CEACAM5: variants seen among roughly 807,000 people sequenced by gnomAD.
CEACAM5 encodes cell adhesion molecule CEACAM5.
Under a neutral mutation model 63.0 loss-of-function variants are expected in CEACAM5, and 52 were observed. The ratio of observed to expected loss-of-function variants is 0.83; its 90% CI spans 0.66 to 1.04. The LOEUF (loss-of-function observed/expected upper bound fraction) is 1.04. Ranked by LOEUF, CEACAM5 falls within the 50% of genes least tolerant of loss-of-function variation. CEACAM5 has a pLI of 0.00. For missense variants in CEACAM5, 790 were observed against 864.8 expected, an observed-to-expected ratio of 0.91 and a Z score of 1.08; for synonymous variants, 357 against 351.3, an observed-to-expected ratio of 1.02 and a Z score of -0.18.
chr19:41,709,575 C>T, intron 1 of CEACAM5, 105 bp from the exon 2 acceptor site: 4 of 1,515,476 alleles, frequency 2.6e-6, no homozygotes, highest in Non-Finnish European at 3.5e-6. Context: ...CACTCACTCA[C>T]TCCAGGGCTG....
At chr19:41,727,423 G>A (rs1323090327) in intron 9 of CEACAM5, 71 bp downstream of exon 9, 4 of 778,942 alleles carry the variant, frequency 5.1e-6, no homozygotes, top group Non-Finnish European at 8.7e-6. Context: ...AGAGGGAAGG[G>A]ATTTCTTCAC....
chr19:41,716,279 A>G (rs375862457), intron 4 of CEACAM5, among the ~76,000 whole-genome samples: 4 of 152,234 alleles, frequency 2.6e-5, no homozygotes, highest in Non-Finnish European at 4.4e-5. Context: ...ATGAGCTACA[A>G]GCAACATTCA....
At chr19:41,725,972 TCTTAA>T (rs1461913050) in intron 8 of CEACAM5, among the ~76,000 whole-genome samples, 1 of 152,230 alleles carries the variant, frequency 6.6e-6, no homozygotes, top group Non-Finnish European at 1.5e-5. Context: ...CACACAAGAT[TCTTAA>T]CTTCTCTGAG....
intron 2 of CEACAM5, 189 bp downstream of exon 2, chr19:41,710,228 G>C: frequency 1.1e-6 from 1 of 930,222 alleles, no homozygotes; most frequent in South Asian, 1.7e-5. Flanking sequence ...CCGGCATCCA[G>C]ACCCTGCAGA....
At chr19:41,710,296 C>T (rs1306354287) in intron 2 of CEACAM5, among the ~76,000 whole-genome samples, 5 of 152,152 alleles carry the variant, frequency 3.3e-5, no homozygotes, top group African/African-American at 1.2e-4. Flanking sequence ...GGAGGTCAGT[C>T]TCAGCCAAGC....
At chr19:41,725,256 A>C (rs12985771) in intron 8 of CEACAM5, among the ~76,000 whole-genome samples, 41,517 of 151,992 alleles carry the variant, frequency 0.27, 6,117 homozygotes, top group Middle Eastern at 0.38. Context: ...CATTTCATCT[A>C]GGTTATTCAA....
At chr19:41,718,087 T>C (rs782417200) in intron 5 of CEACAM5, 41 bp from the exon 6 acceptor site, 1 of 1,609,242 alleles carries the variant, frequency 6.2e-7, no homozygotes. Flanking sequence ...TCCCCTTTGC[T>C]CTGATGACAT....
chr19:41,719,781 G>C, intron 6 of CEACAM5, 149 bp from the exon 7 acceptor site: 1 of 1,421,022 alleles, frequency 7.0e-7, no homozygotes, highest in Non-Finnish European at 9.5e-7. Flanking sequence ...TCAGATCATC[G>C]TACATCTGTC....
intron 1 of CEACAM5, 97 bp downstream of exon 1, chr19:41,708,892 C>G (rs544755548): frequency 1.8e-5 from 15 of 834,840 alleles, no homozygotes; most frequent in Non-Finnish European, 2.8e-5. Context: ...CCTGTTGGAG[C>G]CTGAATAGGG....
chr19:41,710,098 G>A lies in CEACAM5; in HGVS notation c.424+59G>A, dbSNP rs1451286201. On this transcript the variant is annotated intron_variant, in intron 2 of 9. Coordinates refer to ENST00000221992, the MANE Select transcript of CEACAM5 (RefSeq NM_004363.6). Reference sequence around the variant, plus strand: ...GGGTCAGTTCTACTTCCCACACACAGGATTATCAGGCCTGGGCTGTGCCTG... The same window carrying A: ...GGGTCAGTTCTACTTCCCACACACAAGATTATCAGGCCTGGGCTGTGCCTG... 2.5e-6 allele frequency: 4 copies of A among 1,570,100 alleles called. No individual in the cohort carries two copies. The African/African-American group carries it at 5.4e-5, about 21-fold the overall frequency.
chr19:41,708,682 G>C lies in CEACAM5; in HGVS notation c.-50G>C. On this transcript the variant is annotated 5_prime_UTR_variant, in exon 1 of 10. Coordinates refer to ENST00000221992, the MANE Select transcript of CEACAM5 (RefSeq NM_004363.6). ...ACAGCAGCCTTGACAAAACGTTCCT[G>C]GAACTCAAGCTCTTCTCCACAGAGG... is the stretch of plus-strand genomic sequence containing the variant. 6.4e-7 allele frequency: 1 copy of C among 1,552,054 alleles called. No individual in the cohort carries two copies. The highest frequency in any genetic ancestry group is 8.8e-7 in the Non-Finnish European group (1 of 1,132,496).
intron 2 of CEACAM5, among the ~76,000 whole-genome samples, chr19:41,711,743 G>A (rs149827785): frequency 1.1e-4 from 16 of 152,002 alleles, no homozygotes; most frequent in African/African-American, 3.1e-4. Context: ...CATGTTCTTC[G>A]TCTTCCTCCC....
intron 8 of CEACAM5, among the ~76,000 whole-genome samples, chr19:41,721,696 A>G (rs117041225): frequency 0.019 from 2,932 of 152,356 alleles, 54 homozygotes; most frequent in Admixed American, 0.054. Context: ...CCCTGGCTCC[A>G]CTTGGGGTGG....
At chr19:41,728,827 A>G (rs1025426956) in intron 9 of CEACAM5, among the ~76,000 whole-genome samples, 14 of 147,810 alleles carry the variant, frequency 9.5e-5, no homozygotes, top group African/African-American at 3.3e-4. Context: ...GGAGTTTTTC[A>G]ACATACGTAA....
chr19:41,719,550 C>T (rs567161270), intron 6 of CEACAM5, among the ~76,000 whole-genome samples: 6 of 152,168 alleles, frequency 3.9e-5, no homozygotes, highest in Admixed American at 1.3e-4. Flanking sequence ...AAACACCCCA[C>T]GGTTGGGTGG....
Position 41,709,728 on chromosome 19 carries a change from T to C in CEACAM5, c.113T>C (p.Ile38Thr), listed in dbSNP as rs782785872. 8 of 1,614,154 alleles carry C rather than the reference T, an allele frequency of 5.0e-6. No homozygotes were observed. In the East Asian group the frequency reaches 1.1e-4, roughly 22 times the overall value. The change falls in exon 2 of 10, where the codon ATT becomes ACT. Residue 38 changes from isoleucine (I) to threonine (T), a missense_variant. Ile to Thr is a moderately conservative substitution (Grantham distance 89). Coordinates refer to ENST00000221992, the MANE Select transcript of CEACAM5 (RefSeq NM_004363.6). The stretch of plus-strand genomic sequence containing the variant: ...CCGCCCACCACTGCCAAGCTCACTA[T>C]TGAATCCACGCCGTTCAATGTCGCA... Reference protein sequence around the residue: ...WNPPTTAKLTIESTPFNVAEG... With the variant: ...WNPPTTAKLTTESTPFNVAEG...
At chr19:41,722,803 T>C (rs1324561216) in intron 8 of CEACAM5, among the ~76,000 whole-genome samples, 1 of 152,260 alleles carries the variant, frequency 6.6e-6, no homozygotes, top group Non-Finnish European at 1.5e-5. Context: ...TGAACATCAG[T>C]GTACAAATAT....
Position 41,718,146 on chromosome 19 carries a change from C to T in CEACAM5, c.1256C>T (p.Thr419Ile), listed in dbSNP as rs782603077. 125 of 1,614,210 alleles carry T rather than the reference C, an allele frequency of 7.7e-5. No homozygotes were observed. The African/African-American group carries it at 1.5e-3, about 20-fold the overall frequency. Residue 419 changes from threonine to isoleucine, a missense_variant, in exon 6 of 10, where the codon ACC becomes ATC. Transcript: ENST00000221992. Reference sequence around the variant, plus strand: ...GCTCCAGATGGCCCAGACGACCCCACCATTTCCCCCTCATACACCTATTAC... The same window carrying T: ...GCTCCAGATGGCCCAGACGACCCCATCATTTCCCCCTCATACACCTATTAC... ...LNVLYGPDDP[T>I]ISPSYTYYRP...
At chr19:41,713,005 C>T (rs971212845) in intron 2 of CEACAM5, among the ~76,000 whole-genome samples, 1 of 152,166 alleles carries the variant, frequency 6.6e-6, no homozygotes, top group Admixed American at 6.5e-5. Context: ...ACATGATTCT[C>T]AAAAGAAATG....
Sources: allele counts gnomAD v4.1 joint callset (sites outside exome capture counted in the v4.1 genomes callset), GRCh38; gene constraint gnomAD v4.1.1; transcripts MANE v1.5; gene names NCBI Gene and HGNC (gene_info 2026-07-23, HGNC 2026-07-21).